CAMK2B: variants seen among roughly 807,000 people sequenced by gnomAD.
CAMK2B encodes the protein calcium/calmodulin dependent protein kinase II beta.
Under a neutral mutation model 93.7 loss-of-function variants are expected in CAMK2B, and 27 were observed. That is an observed-to-expected ratio of 0.29 (90% confidence interval 0.21 to 0.40). CAMK2B has a LOEUF of 0.40. Ranked by LOEUF, CAMK2B falls within the 10% of genes least tolerant of loss-of-function variation. The probability of loss-of-function intolerance (pLI) is 1.00; values close to 1 mark genes in which losing one functional copy is unlikely to be tolerated. For synonymous variants in CAMK2B, 374 were observed against 358.8 expected (o/e 1.04, Z -0.48); for missense variants, 568 against 895.8 (o/e 0.63, Z 4.67).
chr7:44,289,763 C>T (rs1457282524), intron 1 of CAMK2B, among the ~76,000 whole-genome samples: 1 of 152,254 alleles, frequency 6.6e-6, no homozygotes, highest in African/African-American at 2.4e-5. Flanking sequence ...CTGGAGTGAT[C>T]GTGCATGTGA....
At chr7:44,289,996 T>A (rs1237795498) in intron 1 of CAMK2B, among the ~76,000 whole-genome samples, 1 of 152,226 alleles carries the variant, frequency 6.6e-6, no homozygotes, top group Non-Finnish European at 1.5e-5. Flanking sequence ...CAGCCAGGGC[T>A]GCCTGCATCA....
chr7:44,228,196 A>AGGCCT (rs1554361380), intron 19 of CAMK2B, among the ~76,000 whole-genome samples: 3 of 152,084 alleles, frequency 2.0e-5, no homozygotes, highest in East Asian at 3.9e-4. Flanking sequence ...GTTACAGAGG[A>AGGCCT]GGCCTGGCCT....
intron 5 of CAMK2B, among the ~76,000 whole-genome samples, chr7:44,252,184 G>A (rs902652729): frequency 1.4e-4 from 21 of 152,064 alleles, no homozygotes; most frequent in Admixed American, 1.2e-3. Flanking sequence ...TGATGAGGAA[G>A]CCACATGTGA....
At chr7:44,220,987 G>T (rs1457996405) in intron 20 of CAMK2B, 86 bp from the exon 21 acceptor site, 7 of 1,126,418 alleles carry the variant, frequency 6.2e-6, no homozygotes, top group African/African-American at 3.1e-5. Context: ...GGGCCTGGGG[G>T]AGCGCGAGCT....
chr7:44,313,452 G>C (rs1218107814), intron 1 of CAMK2B, among the ~76,000 whole-genome samples: 1 of 151,776 alleles, frequency 6.6e-6, no homozygotes, highest in African/African-American at 2.4e-5. Flanking sequence ...TGGAGTTTCT[G>C]ATGTGACAGT....
In CAMK2B at chr7:44,241,678, G is replaced by A. The variant is rs753156862; in HGVS notation, c.903+22C>T. 5.0e-6 allele frequency: 8 copies of A among 1,594,678 alleles called. No homozygotes were observed. In the South Asian group the frequency reaches 7.7e-5, roughly 15 times the overall value. On this transcript the variant is annotated intron_variant, in intron 11 of 23. Coordinates refer to ENST00000395749, the MANE Select transcript of CAMK2B (RefSeq NM_001220.5). ...ACACAGAGAAGCATGGCCGTGCCTG[G>A]GACTAGGGGCCAGGGCCTCACCTTG...
chr7:44,221,466 G>T (rs536605945), intron 20 of CAMK2B, among the ~76,000 whole-genome samples: 1 of 151,086 alleles, frequency 6.6e-6, no homozygotes, highest in African/African-American at 2.5e-5. Context: ...CCCGGAGGCC[G>T]GGGAGGAGGA....
intron 2 of CAMK2B, among the ~76,000 whole-genome samples, chr7:44,264,409 G>A (rs2096905871): frequency 6.6e-6 from 1 of 152,160 alleles, no homozygotes; most frequent in Non-Finnish European, 1.5e-5. Context: ...TCTTGAGTGA[G>A]AAAGCCACGC....
In CAMK2B at chr7:44,248,645, T is replaced by C. The variant is rs1399276486; in HGVS notation, c.342-1453A>G. ...AGGAGGGTGACCAGGGTCAGCAAGA[T>C]GAGTGGGCTTTGTTTTCCTAACAGC... On this transcript the variant is annotated intron_variant, in intron 5 of 23. Coordinates refer to ENST00000395749, the MANE Select transcript of CAMK2B (RefSeq NM_001220.5). This position sits in a 1 kb window ranked among gnomAD's most constrained non-coding sequence, Gnocchi z 4.1. 6.6e-6 allele frequency among the ~76,000 whole-genome samples: 1 copy of C among 152,178 alleles called. No homozygotes were observed. Among genetic ancestry groups the C allele is most frequent in the Non-Finnish European group, 1.5e-5 (1 of 68,020 alleles).
intron 12 of CAMK2B, 140 bp from the exon 13 acceptor site, chr7:44,239,803 A>C: frequency 1.5e-6 from 1 of 659,048 alleles, no homozygotes; most frequent in Admixed American, 2.3e-5. Context: ...TGGTTCCAGA[A>C]TCCTTTGCTC....
chr7:44,239,769 T>A (rs2096659312), intron 12 of CAMK2B, 106 bp from the exon 13 acceptor site: 1 of 807,508 alleles, frequency 1.2e-6, no homozygotes, highest in African/African-American at 1.7e-5. Context: ...AGAAGAAGAT[T>A]AGAGTTAAAG....
intron 2 of CAMK2B, among the ~76,000 whole-genome samples, chr7:44,275,905 G>A (rs988407474): frequency 2.0e-5 from 3 of 152,176 alleles, no homozygotes; most frequent in Non-Finnish European, 4.4e-5. Context: ...GCTGACCCTG[G>A]GGCAGGGGAG....
At chr7:44,229,624 C>G in intron 17 of CAMK2B, 123 bp from the exon 18 acceptor site, 5 of 295,096 alleles carry the variant, frequency 1.7e-5, no homozygotes, top group East Asian at 6.8e-5. Context: ...CCTGGGGCTC[C>G]TGGGGTGGAG....
intron 1 of CAMK2B, among the ~76,000 whole-genome samples, chr7:44,313,451 T>A (rs1473364203): frequency 6.6e-6 from 1 of 151,640 alleles, no homozygotes; most frequent in Non-Finnish European, 1.5e-5. Flanking sequence ...CTGGAGTTTC[T>A]GATGTGACAG....
intron 19 of CAMK2B, 62 bp from the exon 20 acceptor site, chr7:44,226,706 C>A: frequency 1.4e-6 from 2 of 1,447,180 alleles, no homozygotes; most frequent in Admixed American, 2.8e-5. Context: ...AGGAGAGAAA[C>A]CATGGGCAGA....
intron 13 of CAMK2B, among the ~76,000 whole-genome samples, chr7:44,236,758 C>T (rs564057808): frequency 6.6e-6 from 1 of 152,312 alleles, no homozygotes; most frequent in African/African-American, 2.4e-5. Context: ...CTCCCATCTC[C>T]AGTACACACA....
At chr7:44,241,656 CAG>C (rs2096680131) in intron 11 of CAMK2B, 42 bp downstream of exon 11, 3 of 1,504,400 alleles carry the variant, frequency 2.0e-6, no homozygotes, top group Non-Finnish European at 2.8e-6. Flanking sequence ...CAGAGGGACA[CAG>C]AGAAGCATGG....
intron 1 of CAMK2B, among the ~76,000 whole-genome samples, chr7:44,319,060 T>C (rs186512173): frequency 4.6e-5 from 7 of 152,350 alleles, no homozygotes; most frequent in Non-Finnish European, 7.3e-5. Flanking sequence ...AATATGATAA[T>C]TTTTTAAAAA....
intron 11 of CAMK2B, among the ~76,000 whole-genome samples, chr7:44,241,129 G>A (rs945964752): frequency 6.6e-6 from 1 of 152,140 alleles, no homozygotes; most frequent in Non-Finnish European, 1.5e-5. Flanking sequence ...GGGCTTCCGG[G>A]GAGAACTGCT....
Sources: gnomAD v4.1 joint callset for allele counts (sites outside exome capture counted in the v4.1 genomes callset) on GRCh38, gnomAD v4.1.1 for gene constraint, Gnocchi (gnomAD v3.1) non-coding constraint, MANE v1.5 for transcripts, NCBI Gene and HGNC (gene_info 2026-07-23, HGNC 2026-07-21) for gene names.